The following MYO1E variants were observed in gnomAD, a reference collection of about 807,000 sequenced individuals.
The protein encoded by MYO1E is unconventional myosin-Ie.
In MYO1E, 68 loss-of-function variants were observed where a neutral mutation model predicts 151.1. That is an observed-to-expected ratio of 0.45 (90% CI 0.37 to 0.55). The LOEUF (loss-of-function observed/expected upper bound fraction) is 0.55. Among genes scored for constraint, MYO1E ranks in the 20% least tolerant of loss-of-function variants. MYO1E has a pLI of 0.00. For missense variants in MYO1E, 1,363 were observed against 1,389.3 expected (o/e 0.98, Z 0.30); for synonymous variants, 601 against 501.7 (o/e 1.20, Z -2.64).
At chr15:59,279,414 A>G (rs2080340293) in intron 1 of MYO1E, among the ~76,000 whole-genome samples, 1 of 152,186 alleles carries the variant, frequency 6.6e-6, no homozygotes, top group South Asian at 2.1e-4. Context: ...AGGAAGGCAC[A>G]TAAACTGGGA....
chr15:59,201,276 A>G (rs2079799921), intron 16 of MYO1E, among the ~76,000 whole-genome samples: 2 of 151,834 alleles, frequency 1.3e-5, no homozygotes. Flanking sequence ...TATTTTTAGT[A>G]GAGATGGGGT....
chr15:59,295,516 T>C (rs2080443522), intron 1 of MYO1E, among the ~76,000 whole-genome samples: 1 of 152,174 alleles, frequency 6.6e-6, no homozygotes, highest in African/African-American at 2.4e-5. Context: ...GGAATCTCCA[T>C]CAGAGGGTGC....
At chr15:59,233,870 G>A (rs1445496742) in intron 5 of MYO1E, among the ~76,000 whole-genome samples, 2 of 113,256 alleles carry the variant, frequency 1.8e-5, no homozygotes, top group East Asian at 2.4e-4. Flanking sequence ...AATACACACT[G>A]TATTTCAAAG....
In MYO1E at chr15:59,134,764, T is replaced by TG. The variant is rs1252693515; in HGVS notation, c.*2615dup. 6.6e-6 allele frequency: 1 copy of TG among 152,152 alleles called. No homozygotes were observed. Among genetic ancestry groups the TG allele is most frequent in the Non-Finnish European group, 1.5e-5 (1 of 68,048 alleles). The allele number at this position is 152,152 out of a possible 1,614,324, so 9.4% of individuals were successfully genotyped here. A position where few individuals can be genotyped will look rare whatever the true frequency, so the allele number is the denominator to read the frequency against. ...GATGGCAAGTTCCAGAAGGTGGGGG[T>TG]GGCCCCTTGATCTTCTGTATGTTCT... On this transcript the variant is annotated 3_prime_UTR_variant, in exon 28 of 28. Coordinates refer to ENST00000288235, the MANE Select transcript of MYO1E (RefSeq NM_004998.4).
At chr15:59,274,519 G>A (rs982217990) in intron 1 of MYO1E, among the ~76,000 whole-genome samples, 1 of 152,112 alleles carries the variant, frequency 6.6e-6, no homozygotes. Flanking sequence ...TAACCAACCT[G>A]CAGATTGGTT....
chr15:59,246,815 T>C (rs1412129715), intron 4 of MYO1E, among the ~76,000 whole-genome samples: 11 of 152,210 alleles, frequency 7.2e-5, no homozygotes, highest in African/African-American at 2.7e-4. Context: ...GGTGTATAAA[T>C]GCATCTTCAC....
rs1375549494 is a variant in MYO1E at position 59,158,527 on chromosome 15, C to T, written c.2786-148G>A. On this transcript the variant is annotated intron_variant, in intron 24 of 27. Transcript: ENST00000288235. The stretch of plus-strand genomic sequence containing the variant: ...AGAACAGTTGCAGTGGAGAAGGAGC[C>T]GTTGAGGGAAGTATGTAATGGTAGC... 2.9e-5 allele frequency: 20 copies of T among 691,040 alleles called. No individual in the cohort carries two copies. The Middle Eastern group carries it at 1.1e-3, about 40-fold the overall frequency. The allele number at this position is 691,040 out of a possible 1,614,324, so 42.8% of individuals were successfully genotyped here.
At chr15:59,166,317 C>G (rs1450542911) in intron 22 of MYO1E, among the ~76,000 whole-genome samples, 5 of 152,180 alleles carry the variant, frequency 3.3e-5, no homozygotes, top group Admixed American at 2.0e-4. Context: ...GGACTTCACC[C>G]CTGACTTATT....
At chr15:59,176,442 CT>C (rs1420986465) in intron 19 of MYO1E, among the ~76,000 whole-genome samples, 3 of 110,522 alleles carry the variant, frequency 2.7e-5, no homozygotes, top group African/African-American at 1.0e-4. Context: ...GGTAGGTTTT[CT>C]TTTTCCTTTT....
In MYO1E at chr15:59,136,750, G is replaced by GCCCAGCCCCCAGCC. The variant is rs545697462; in HGVS notation, c.*616_*629dup. ...AGACCCAGAGAAAGCAAAGCCAGCA[G>GCCCAGCCCCCAGCC]CCCAGCCCCCAGCCCCCAGCCCCTG... On this transcript the variant is annotated 3_prime_UTR_variant, in exon 28 of 28. Transcript: ENST00000288235. 1 of 456,050 alleles carries GCCCAGCCCCCAGCC rather than the reference G, an allele frequency of 2.2e-6. No individual in the cohort carries two copies. The highest frequency in any genetic ancestry group is 4.4e-6 in the Non-Finnish European group (1 of 226,842). The allele number at this position is 456,050 out of a possible 1,614,324, so 28.3% of individuals were successfully genotyped here.
chr15:59,243,982 G>A (rs1329088069), intron 4 of MYO1E, among the ~76,000 whole-genome samples: 1 of 151,486 alleles, frequency 6.6e-6, no homozygotes, highest in Non-Finnish European at 1.5e-5. Context: ...GGAGAGAGGG[G>A]TCCTCCATCG....
intron 4 of MYO1E, among the ~76,000 whole-genome samples, chr15:59,236,893 T>C (rs2080070225): frequency 6.6e-6 from 1 of 152,216 alleles, no homozygotes; most frequent in Non-Finnish European, 1.5e-5. Flanking sequence ...ATGGTGTGGA[T>C]AATTACCACT....
At chr15:59,153,390 T>C (rs2079492434) in intron 26 of MYO1E, among the ~76,000 whole-genome samples, 200 bp downstream of exon 26, 1 of 152,218 alleles carries the variant, frequency 6.6e-6, no homozygotes, top group Non-Finnish European at 1.5e-5. Context: ...ATGAAATGAA[T>C]TGTGTGCTAT....
At chr15:59,189,003 GT>G (rs1242201524) in intron 17 of MYO1E, among the ~76,000 whole-genome samples, 1 of 152,174 alleles carries the variant, frequency 6.6e-6, no homozygotes, top group Non-Finnish European at 1.5e-5. Context: ...TTTCAAGTGT[GT>G]ACATTAAAAA....
At chr15:59,322,163 A>G (rs148977264) in intron 1 of MYO1E, among the ~76,000 whole-genome samples, 1,916 of 149,800 alleles carry the variant, frequency 0.013, 39 homozygotes, top group African/African-American at 0.046. Flanking sequence ...CAACAGAGTA[A>G]GACTCTGTCT....
chr15:59,358,426 A>AAAAG (rs1273750760), intron 1 of MYO1E, among the ~76,000 whole-genome samples: 17 of 152,236 alleles, frequency 1.1e-4, no homozygotes, highest in African/African-American at 4.1e-4. Context: ...GATGGACAAG[A>AAAAG]GGCCTTGTGG....
chr15:59,142,674 CCAGGGGCGGCCCCTGCT>C (rs2079417491), intron 26 of MYO1E, among the ~76,000 whole-genome samples: 3 of 152,136 alleles, frequency 2.0e-5, no homozygotes, highest in Non-Finnish European at 4.4e-5. Context: ...ACAGACTCTG[CCAGGGGCGGCCCCTGCT>C]CACACCCCAG....
chr15:59,353,081 C>T (rs1252127222), intron 1 of MYO1E, among the ~76,000 whole-genome samples: 1 of 152,162 alleles, frequency 6.6e-6, no homozygotes, highest in East Asian at 1.9e-4. Context: ...TTTTAAGTTT[C>T]TTCAACCTTC....
At chr15:59,303,302 C>T (rs1173440575) in intron 1 of MYO1E, among the ~76,000 whole-genome samples, 1 of 152,098 alleles carries the variant, frequency 6.6e-6, no homozygotes, top group African/African-American at 2.4e-5. Flanking sequence ...GTAGTTCTAG[C>T]TACTTGGGAG....
Sources: allele counts gnomAD v4.1 joint callset (sites outside exome capture counted in the v4.1 genomes callset), GRCh38; gene constraint gnomAD v4.1.1; transcripts MANE v1.5; gene names NCBI Gene and HGNC (gene_info 2026-07-23, HGNC 2026-07-21).